Variants in PRRC2B observed in about 807,000 individuals in gnomAD.
PRRC2B encodes the protein protein PRRC2B.
PRRC2B carries 68 observed loss-of-function variants against 242.3 expected under a neutral mutation model. That is an observed-to-expected ratio of 0.28 (90% CI 0.23 to 0.34). PRRC2B has a LOEUF of 0.34. PRRC2B is among the 10% of genes least tolerant of loss of function. PRRC2B has a pLI of 1.00. For missense variants in PRRC2B, 2,835 were observed against 2,954.8 expected, an observed-to-expected ratio of 0.96 and a Z score of 0.94; for synonymous variants, 1,228 against 1,173.6, an observed-to-expected ratio of 1.05 and a Z score of -0.95.
In PRRC2B at chr9:131,446,298, ATT is replaced by A. The variant is rs906424812; in HGVS notation, c.614-97_614-96del. ...TTTGGTGTTTTTTGTTTTTCATTTTATTTTTTTGGTGAAGGAGGGGGTCCCTT... is the reference window on the plus strand; with the variant it reads ...TTTGGTGTTTTTTGTTTTTCATTTTATTTTTGGTGAAGGAGGGGGTCCCTT... On this transcript the variant is annotated intron_variant, in intron 6 of 31. Coordinates refer to ENST00000683519, the MANE Select transcript of PRRC2B (RefSeq NM_013318.4). This position sits in a 1 kb window ranked among gnomAD's most constrained non-coding sequence, Gnocchi z 4.1. The A allele has an allele frequency of 7.1e-7, 1 of 1,401,174 alleles. No homozygotes were observed. Among genetic ancestry groups the A allele is most frequent in the Non-Finnish European group, 9.6e-7 (1 of 1,041,936 alleles). The allele number at this position is 1,401,174 out of a possible 1,614,324, so 86.8% of individuals were successfully genotyped here.
intron 1 of PRRC2B, among the ~76,000 whole-genome samples, chr9:131,395,541 C>T (rs944175307): frequency 6.6e-6 from 1 of 152,198 alleles, no homozygotes; most frequent in Non-Finnish European, 1.5e-5. Flanking sequence ...CGTGCACCCT[C>T]CACCTGGCAG....
Position 131,491,574 on chromosome 9 carries a change from C to T in PRRC2B, c.6375C>T (p.Ser2125=), listed in dbSNP as rs1180437798. ...PGSQPPVLNT[S]REPSQMEMKG... is the part of the protein sequence containing the mutation. ...CCCAGCCGCCAGTCCTGAACACCAG[C>T]AGAGAGGTAAGGGGACCCCATCTGC... The change falls in exon 29 of 32, where the codon AGC becomes AGT. Residue 2125 remains serine, a synonymous_variant. Coordinates refer to ENST00000683519, the MANE Select transcript of PRRC2B (RefSeq NM_013318.4). 6.2e-7 allele frequency: 1 copy of T among 1,610,046 alleles called. No individual in the cohort carries two copies. The highest frequency in any genetic ancestry group is 1.7e-5 in the Admixed American group (1 of 59,586).
chr9:131,430,323 A>G (rs1021966766), intron 2 of PRRC2B, 64 bp downstream of exon 2: 6 of 996,568 alleles, frequency 6.0e-6, no homozygotes, highest in South Asian at 4.2e-5. Context: ...CCAGAAACCC[A>G]GAGTCCCTCA....
At chr9:131,381,681 A>C (rs545130989) in intron 1 of PRRC2B, among the ~76,000 whole-genome samples, 51 of 151,800 alleles carry the variant, frequency 3.4e-4, no homozygotes, top group African/African-American at 1.2e-3. Context: ...GGCCTCCCAA[A>C]GTGCTGGGAT....
chr9:131,416,815 G>A (rs998503937), intron 1 of PRRC2B, among the ~76,000 whole-genome samples: 1 of 152,054 alleles, frequency 6.6e-6, no homozygotes, highest in Non-Finnish European at 1.5e-5. Flanking sequence ...TGGGGTTTGG[G>A]CTATAACATG....
chr9:131,484,069 T>C (rs1273047056), intron 23 of PRRC2B, among the ~76,000 whole-genome samples: 1 of 152,162 alleles, frequency 6.6e-6, no homozygotes, highest in African/African-American at 2.4e-5. Context: ...ATGAAAACAA[T>C]GTTTTGGAAG....
At position 131,422,827 on chromosome 9, in the gene PRRC2B, C is replaced by T. The variant is rs142833455; in HGVS notation, c.-51-7267C>T. Among the ~76,000 whole-genome samples the T allele has an allele frequency of 2.2e-3, 337 of 152,294 alleles. 3 individuals carry two copies. The highest frequency in any genetic ancestry group is 7.7e-3 in the African/African-American group (321 of 41,552). On this transcript the variant is annotated intron_variant, in intron 1 of 31. Transcript: ENST00000683519. ...TCTTTAGATTATGTGCCAAAATATGCAACCTGGATTCTTTTTCAATGTTCT... is the reference window on the plus strand; with the variant it reads ...TCTTTAGATTATGTGCCAAAATATGTAACCTGGATTCTTTTTCAATGTTCT...
intron 5 of PRRC2B, among the ~76,000 whole-genome samples, chr9:131,443,904 A>AGGCTGTGGCCTGGAGC (rs915321416): frequency 4.6e-5 from 7 of 152,198 alleles, no homozygotes; most frequent in Non-Finnish European, 8.8e-5. Context: ...CTGCTGGGGC[A>AGGCTGTGGCCTGGAGC]GGCTGTGGCC....
intron 1 of PRRC2B, among the ~76,000 whole-genome samples, chr9:131,426,793 A>C (rs987463227): frequency 6.6e-6 from 1 of 152,184 alleles, no homozygotes; most frequent in African/African-American, 2.4e-5. Context: ...AGACTCTCTT[A>C]CGCCCTCTAG....
intron 1 of PRRC2B, among the ~76,000 whole-genome samples, chr9:131,411,407 C>T (rs561928589): frequency 5.4e-4 from 79 of 147,484 alleles, no homozygotes; most frequent in Middle Eastern, 7.2e-3. Flanking sequence ...AGTGCAGTGG[C>T]GCAATCTCGG....
chr9:131,492,127 C>T (rs750942470), intron 29 of PRRC2B, 42 bp from the exon 30 acceptor site: 2 of 1,496,728 alleles, frequency 1.3e-6, no homozygotes, highest in Admixed American at 3.3e-5. Context: ...CAGCTGTCTC[C>T]AGGGCCTCAA....
At chr9:131,436,381 G>GA (rs951489569) in intron 3 of PRRC2B, among the ~76,000 whole-genome samples, 16 of 152,178 alleles carry the variant, frequency 1.1e-4, no homozygotes, top group Non-Finnish European at 2.1e-4. Flanking sequence ...AAAAGAAAAA[G>GA]AAAAAGTCAG....
At position 131,475,400 on chromosome 9, in the gene PRRC2B, G is replaced by A. The variant is rs747955001; in HGVS notation, c.3271G>A (p.Gly1091Arg). The A allele has an allele frequency of 2.5e-6, 4 of 1,581,020 alleles. No homozygotes were observed. The highest frequency in any genetic ancestry group is 3.4e-6 in the Non-Finnish European group (4 of 1,164,714). ...AGGNGSGLCG[G>R]GVLGARSIYC... Reference sequence around the variant, plus strand: ...CGGAAATGGGAGCGGCCTCTGTGGTGGGGGGGTCCTGGGGGCCCGCAGCAT... The same window carrying A: ...CGGAAATGGGAGCGGCCTCTGTGGTAGGGGGGTCCTGGGGGCCCGCAGCAT... The change falls in exon 16 of 32, where the codon GGG (glycine) becomes AGG (arginine). Residue 1091 changes from glycine (G) to arginine (R), a missense_variant. Physicochemically the swap from Gly to Arg is moderately radical, Grantham distance 125 (BLOSUM62 -2). Transcript: ENST00000683519.
At chr9:131,420,453 TTTTCTTTCTTTC>T (rs148112779) in intron 1 of PRRC2B, among the ~76,000 whole-genome samples, 10 of 61,056 alleles carry the variant, frequency 1.6e-4, no homozygotes, top group African/African-American at 3.2e-4. Flanking sequence ...TTCTTTTTCT[TTTTCTTTCTTTC>T]TTTCTTTCTT....
At chr9:131,383,564 T>C (rs1208107334) in intron 1 of PRRC2B, among the ~76,000 whole-genome samples, 2 of 151,538 alleles carry the variant, frequency 1.3e-5, no homozygotes, top group Non-Finnish European at 2.9e-5. Flanking sequence ...TTTATTCTTG[T>C]AGGGTTTTTG....
chr9:131,470,029 A>T (rs1285803019), intron 13 of PRRC2B, among the ~76,000 whole-genome samples: 13 of 151,938 alleles, frequency 8.6e-5, no homozygotes, highest in Non-Finnish European at 1.5e-5. Context: ...CTAGAGGAGG[A>T]TGTGTTTAAA....
chr9:131,462,533 GA>G (rs1266188055), intron 11 of PRRC2B, among the ~76,000 whole-genome samples: 1 of 150,182 alleles, frequency 6.7e-6, no homozygotes, highest in African/African-American at 2.4e-5. Context: ...GAATTTTTAA[GA>G]AAATTTTTAA....
At position 131,421,500 on chromosome 9, in the gene PRRC2B, C is replaced by A. The variant is rs192173933; in HGVS notation, c.-51-8594C>A. On this transcript the variant is annotated intron_variant, in intron 1 of 31. Coordinates refer to ENST00000683519, the MANE Select transcript of PRRC2B (RefSeq NM_013318.4). ...CGTTTATCCAGCCTGCTATCAATTTCCATGCCTGTGGAATCATGATTTTTG... is the reference window on the plus strand; with the variant it reads ...CGTTTATCCAGCCTGCTATCAATTTACATGCCTGTGGAATCATGATTTTTG... Among the ~76,000 whole-genome samples the A allele has an allele frequency of 4.9e-4, 75 of 152,280 alleles. 1 individual carries two copies. The East Asian group carries it at 0.013, about 26-fold the overall frequency.
At chr9:131,398,092 G>A (rs552776679) in intron 1 of PRRC2B, among the ~76,000 whole-genome samples, 1 of 152,310 alleles carries the variant, frequency 6.6e-6, no homozygotes, top group East Asian at 1.9e-4. Context: ...GATATGGTGA[G>A]CTTTGTTTCT....
Sources: gnomAD v4.1 joint callset for allele counts (sites outside exome capture counted in the v4.1 genomes callset) on GRCh38, gnomAD v4.1.1 for gene constraint, Gnocchi (gnomAD v3.1) non-coding constraint, MANE v1.5 for transcripts, NCBI Gene and HGNC (gene_info 2026-07-23, HGNC 2026-07-21) for gene names.